The following CFAP20DC variants were observed in gnomAD, a reference collection of about 807,000 sequenced individuals.
CFAP20DC encodes the protein CFAP20 domain containing, also known as protein CFAP20DC.
In CFAP20DC, 84 loss-of-function variants were observed where a neutral mutation model predicts 101.7. The ratio of observed to expected loss-of-function variants is 0.83; its 90% CI spans 0.69 to 0.99. The LOEUF (loss-of-function observed/expected upper bound fraction) is 0.99, where lower values mean the gene tolerates loss of function less well. CFAP20DC is among the 50% of genes least tolerant of loss of function. The probability of loss-of-function intolerance (pLI) is 0.00; values close to 1 mark genes in which losing one functional copy is unlikely to be tolerated. For synonymous variants in CFAP20DC, 359 were observed against 351.2 expected (o/e 1.02, Z -0.25); for missense variants, 1,007 against 970.3 (o/e 1.04, Z -0.50).
At chr3:58,815,835 G>A (rs1306262665) in intron 14 of CFAP20DC, among the ~76,000 whole-genome samples, 1 of 150,506 alleles carries the variant, frequency 6.6e-6, no homozygotes, top group Non-Finnish European at 1.5e-5. Flanking sequence ...AGTTAGAATG[G>A]CAATCATTAA....
chr3:58,848,183 C>G (rs942728315), intron 13 of CFAP20DC, among the ~76,000 whole-genome samples: 3 of 139,032 alleles, frequency 2.2e-5, no homozygotes, highest in Non-Finnish European at 4.7e-5. Context: ...AAAAAAAGGG[C>G]TTGGTACAGA....
At chr3:58,924,928 GT>G (rs939721317) in intron 5 of CFAP20DC, among the ~76,000 whole-genome samples, 10 of 151,074 alleles carry the variant, frequency 6.6e-5, no homozygotes, top group East Asian at 3.9e-4. Context: ...GGGGTTATTT[GT>G]TTTTTTCTTG....
intron 4 of CFAP20DC, among the ~76,000 whole-genome samples, chr3:58,990,542 T>C (rs1172041614): frequency 6.6e-6 from 1 of 152,154 alleles, no homozygotes; most frequent in East Asian, 1.9e-4. Flanking sequence ...AGTTCAAATG[T>C]TACTTTCTTA....
Position 58,848,963 on chromosome 3 carries a change from T to C in CFAP20DC, c.1971+69A>G, listed in dbSNP as rs2077977597. 3 of 1,452,038 alleles carry C rather than the reference T, an allele frequency of 2.1e-6. No individual in the cohort carries two copies. In the African/African-American group the frequency reaches 4.3e-5, roughly 21 times the overall value. 89.9% of individuals were successfully genotyped at this position (1,452,038 alleles called of 1,614,324 possible). ...TGAAAAAGAGATACTGCTAAAAACA[T>C]GGGTGGAACAGAACGGAACACAGCA... On this transcript the variant is annotated intron_variant, in intron 13 of 16. Coordinates refer to ENST00000482387, the MANE Select transcript of CFAP20DC (RefSeq NM_001394063.1).
chr3:58,768,144 G>A (rs996374549), intron 15 of CFAP20DC, among the ~76,000 whole-genome samples: 13 of 152,138 alleles, frequency 8.5e-5, no homozygotes. Flanking sequence ...TGGTCCAGAG[G>A]TGGACACCCA....
chr3:58,940,594 GTGAGGTTGTATTTC>G (rs1234267115), intron 4 of CFAP20DC, among the ~76,000 whole-genome samples: 2 of 152,126 alleles, frequency 1.3e-5, no homozygotes, highest in Non-Finnish European at 2.9e-5. Context: ...ATATATGTGT[GTGAGGTTGTATTTC>G]TGGACTGTCT....
At chr3:59,017,702 A>G (rs1372732554) in intron 4 of CFAP20DC, 1 of 152,122 alleles carries the variant, frequency 6.6e-6, no homozygotes, top group Non-Finnish European at 1.5e-5. Flanking sequence ...TGAGAGTATC[A>G]GTTAGGACTC....
intron 13 of CFAP20DC, among the ~76,000 whole-genome samples, chr3:58,841,871 C>A (rs896461011): frequency 5.9e-5 from 9 of 152,226 alleles, no homozygotes; most frequent in Non-Finnish European, 1.0e-4. Flanking sequence ...TTATATAAGT[C>A]TTTTGTTTGT....
chr3:58,978,100 C>T (rs1050660883), intron 4 of CFAP20DC, among the ~76,000 whole-genome samples: 9 of 152,150 alleles, frequency 5.9e-5, no homozygotes, highest in African/African-American at 2.2e-4. Flanking sequence ...GCTCTTTGTT[C>T]CTGGGTGGAG....
In CFAP20DC at chr3:58,867,800, T is replaced by C. The variant is rs760532998; in HGVS notation, c.1135+17A>G. The C allele has an allele frequency of 2.0e-5, 32 of 1,613,194 alleles. No homozygotes were observed. The highest frequency in any genetic ancestry group is 5.3e-5 in the African/African-American group (4 of 74,898). Reference sequence around the variant, plus strand: ...AATAATATACAGATATAAGATAGGATTGAAATAGTGCCATACCGCTGGGTG... The same window carrying C: ...AATAATATACAGATATAAGATAGGACTGAAATAGTGCCATACCGCTGGGTG... On this transcript the variant is annotated intron_variant, in intron 10 of 16. Transcript: ENST00000482387.
intron 5 of CFAP20DC, among the ~76,000 whole-genome samples, chr3:58,920,398 T>C (rs1050596280): frequency 1.3e-5 from 2 of 152,164 alleles, no homozygotes; most frequent in African/African-American, 4.8e-5. Context: ...CCAGCCATAG[T>C]GGATAGTCTT....
intron 4 of CFAP20DC, among the ~76,000 whole-genome samples, chr3:58,966,489 T>TAC (rs1553748336): frequency 2.0e-3 from 230 of 116,622 alleles, no homozygotes; most frequent in African/African-American, 5.8e-3. Flanking sequence ...TATATATATA[T>TAC]ACACATATGT....
Position 58,863,318 on chromosome 3 carries a change from G to A in CFAP20DC, c.1593+240C>T. 1 of 1,406,976 alleles carries A rather than the reference G, an allele frequency of 7.1e-7. No homozygotes were observed. Among genetic ancestry groups the A allele is most frequent in the Non-Finnish European group, 9.2e-7 (1 of 1,089,132 alleles). 87.2% of individuals were successfully genotyped at this position (1,406,976 alleles called of 1,614,324 possible). On this transcript the variant is annotated intron_variant, in intron 12 of 16. Coordinates refer to ENST00000482387, the MANE Select transcript of CFAP20DC (RefSeq NM_001394063.1). This position sits in a 1 kb window ranked among gnomAD's most constrained non-coding sequence, Gnocchi z 5.9. Reference sequence around the variant, plus strand: ...AAAGATTAAAATGAAAAAACAGAAAGAAACCCAAAACTGGTTTCTATAAGT... The same window carrying A: ...AAAGATTAAAATGAAAAAACAGAAAAAAACCCAAAACTGGTTTCTATAAGT...
At position 58,788,692 on chromosome 3, in the gene CFAP20DC, T is replaced by C. The variant is rs915720619; in HGVS notation, c.2237+17703A>G. 2.6e-5 allele frequency among the ~76,000 whole-genome samples: 4 copies of C among 152,132 alleles called. No individual in the cohort carries two copies. Among genetic ancestry groups the C allele is most frequent in the Non-Finnish European group, 4.4e-5 (3 of 68,002 alleles). On this transcript the variant is annotated intron_variant, in intron 15 of 16. Transcript: ENST00000482387. The surrounding 1 kb of genome is among the most constrained non-coding windows in gnomAD (Gnocchi z 4.2). ...ACACATTTAGGGCACTAATCTAGTATATAAATTGCACAGTTTTTAATCTCA... is the reference window on the plus strand; with the variant it reads ...ACACATTTAGGGCACTAATCTAGTACATAAATTGCACAGTTTTTAATCTCA...
chr3:58,776,428 T>C (rs2071346479), intron 15 of CFAP20DC, among the ~76,000 whole-genome samples: 1 of 152,104 alleles, frequency 6.6e-6, no homozygotes, highest in Non-Finnish European at 1.5e-5. Context: ...GAGACCCTTA[T>C]GGGCCTGAAG....
chr3:58,954,016 C>G (rs1177234979), intron 4 of CFAP20DC, among the ~76,000 whole-genome samples: 1 of 152,132 alleles, frequency 6.6e-6, no homozygotes, highest in Non-Finnish European at 1.5e-5. Context: ...ACGGGAAAAT[C>G]AACCTCATTT....
downstream of CFAP20DC, among the ~76,000 whole-genome samples, chr3:58,740,375 A>G (rs1038566625): frequency 1.2e-4 from 19 of 152,170 alleles, no homozygotes; most frequent in Non-Finnish European, 2.5e-4. The surrounding 1 kb of genome is among the most constrained non-coding windows in gnomAD (Gnocchi z 4.6). Flanking sequence ...TAATCCTACC[A>G]TCCTCTTGCT....
At chr3:58,810,447 A>T (rs2074517260) in intron 14 of CFAP20DC, among the ~76,000 whole-genome samples, 2 of 152,228 alleles carry the variant, frequency 1.3e-5, no homozygotes, top group South Asian at 4.1e-4. Context: ...AACTGAAGAC[A>T]AAAACCACAT....
chr3:58,884,742 T>G (rs2081481834), intron 6 of CFAP20DC, 33 bp from the exon 7 acceptor site: 2 of 1,569,790 alleles, frequency 1.3e-6, no homozygotes, highest in Admixed American at 1.8e-5. Context: ...ATTTTCAAAA[T>G]GTAAGCCATT....
Sources: gnomAD v4.1 joint callset for allele counts (sites outside exome capture counted in the v4.1 genomes callset) on GRCh38, gnomAD v4.1.1 for gene constraint, Gnocchi (gnomAD v3.1) non-coding constraint, MANE v1.5 for transcripts, NCBI Gene and HGNC (gene_info 2026-07-23, HGNC 2026-07-21) for gene names.